PAIP1: variants seen among roughly 807,000 people sequenced by gnomAD.
PAIP1 encodes polyadenylate-binding protein-interacting protein 1.
In PAIP1, 16 loss-of-function variants were observed where a neutral mutation model predicts 61.3. The observed-to-expected ratio is 0.26, with a 90% CI of 0.18 to 0.40. The LOEUF (loss-of-function observed/expected upper bound fraction) is 0.40, where lower values mean the gene tolerates loss of function less well. Among genes scored for constraint, PAIP1 ranks in the 10% least tolerant of loss-of-function variants. The pLI, the probability that PAIP1 is intolerant of heterozygous loss-of-function variation, is 1.00. For synonymous variants in PAIP1, 187 were observed against 226.2 expected (o/e 0.83, Z 1.56); for missense variants, 416 against 600.9 (o/e 0.69, Z 3.22).
At chr5:43,550,837 C>CAAAAAAAAAAAAAAAAA (rs373730839) in intron 2 of PAIP1, among the ~76,000 whole-genome samples, 19 of 49,560 alleles carry the variant, frequency 3.8e-4, no homozygotes, top group Middle Eastern at 0.025. Flanking sequence ...AAATATACTA[C>CAAAAAAAAAAAAAAAAA]AAAAAAAAAA....
intron 2 of PAIP1, among the ~76,000 whole-genome samples, chr5:43,551,652 A>C (rs1747870862): frequency 1.3e-5 from 2 of 152,322 alleles, no homozygotes; most frequent in South Asian, 4.1e-4. Context: ...AGAAAGGCAA[A>C]GGTACGGGTC....
chr5:43,536,715 C>A, intron 6 of PAIP1, 104 bp downstream of exon 6: 1 of 527,478 alleles, frequency 1.9e-6, no homozygotes, highest in South Asian at 4.4e-5. Flanking sequence ...CAATATTTAC[C>A]TTAAAGTGAT....
intron 5 of PAIP1, among the ~76,000 whole-genome samples, chr5:43,538,570 C>A (rs1747250470): frequency 6.6e-6 from 1 of 152,090 alleles, no homozygotes; most frequent in African/African-American, 2.4e-5. Flanking sequence ...CTGCTTTGAG[C>A]CACCATCTGA....
At position 43,550,929 on chromosome 5, in the gene PAIP1, A is replaced by T. The variant is rs78613556; in HGVS notation, c.436-3016T>A. 3.8e-3 allele frequency among the ~76,000 whole-genome samples: 570 copies of T among 151,806 alleles called. 13 individuals carry two copies. In the East Asian group the frequency reaches 0.069, roughly 18 times the overall value. ...GAAAGAAAAAAAGATCCAGCCATACAAATATCTAAGGAAAGATATTCTCTT... is the reference window on the plus strand; with the variant it reads ...GAAAGAAAAAAAGATCCAGCCATACTAATATCTAAGGAAAGATATTCTCTT... On this transcript the variant is annotated intron_variant, in intron 2 of 10. Transcript: ENST00000306846.
chr5:43,532,188 G>A (rs1241851840), intron 9 of PAIP1, among the ~76,000 whole-genome samples: 1 of 151,948 alleles, frequency 6.6e-6, no homozygotes, highest in Admixed American at 6.6e-5. Flanking sequence ...AATTAAACAG[G>A]TTAGAAAAAA....
At position 43,556,717 on chromosome 5, in the gene PAIP1, G is replaced by A. The variant is rs1287709801; in HGVS notation, c.130C>T (p.Gln44Ter). ...GAGPAERARH[Q>*]PPQPKAPGFL... The stretch of plus-strand genomic sequence containing the variant: ...CCCGGGGCTTTGGGTTGCGGCGGCT[G>A]GTGCCGCGCCCGCTCAGCAGGCCCC... The change falls in exon 1 of 11, where the codon CAG (glutamine) becomes TAG (stop). Residue 44 changes from glutamine (Q) to a stop codon, truncating the protein, a stop_gained. Coordinates refer to ENST00000306846, the MANE Select transcript of PAIP1 (RefSeq NM_006451.5). LOFTEE classifies it high-confidence loss of function. The A allele has an allele frequency of 2.2e-5, 30 of 1,336,174 alleles. No individual in the cohort carries two copies. The highest frequency in any genetic ancestry group is 2.7e-5 in the Non-Finnish European group (28 of 1,047,962). 82.8% of individuals were successfully genotyped at this position (1,336,174 alleles called of 1,614,324 possible).
At chr5:43,546,682 T>G (rs570358437) in intron 3 of PAIP1, among the ~76,000 whole-genome samples, 1 of 152,246 alleles carries the variant, frequency 6.6e-6, no homozygotes, top group East Asian at 1.9e-4. Flanking sequence ...TTTTGACCAG[T>G]CTCACACTGA....
chr5:43,537,241 G>C (rs1357061096), intron 5 of PAIP1, among the ~76,000 whole-genome samples: 2 of 151,520 alleles, frequency 1.3e-5, no homozygotes, highest in African/African-American at 4.8e-5. Context: ...ACTTTTTTTT[G>C]AACACACAGC....
At position 43,556,220 on chromosome 5, in the gene PAIP1, G is replaced by A. The variant is rs1015833712; in HGVS notation, c.266-221C>T. On this transcript the variant is annotated intron_variant, in intron 1 of 10. Transcript: ENST00000306846. ...GGGCATACCTGCCTCTCAAATGAGT[G>A]CTTGCGAGCTTTTTTCCTCTCTGTC... The A allele has an allele frequency of 3.1e-6, 4 of 1,298,694 alleles. No individual in the cohort carries two copies. In the African/African-American group the frequency reaches 6.1e-5, roughly 20 times the overall value. 80.4% of individuals were successfully genotyped at this position (1,298,694 alleles called of 1,614,324 possible). A position where few individuals can be genotyped will look rare whatever the true frequency, so the allele number is the denominator to read the frequency against.
chr5:43,550,306 A>G (rs1400922286), intron 2 of PAIP1, among the ~76,000 whole-genome samples: 1 of 152,188 alleles, frequency 6.6e-6, no homozygotes, highest in East Asian at 1.9e-4. Context: ...TGAATTAATC[A>G]AATTCACCTA....
intron 5 of PAIP1, 51 bp downstream of exon 5, chr5:43,538,873 A>C (rs1367520979): frequency 1.1e-6 from 1 of 880,934 alleles, no homozygotes; most frequent in Admixed American, 1.8e-5. Context: ...CATTGAGATC[A>C]ACTTATGTTC....
intron 4 of PAIP1, among the ~76,000 whole-genome samples, chr5:43,542,145 C>T (rs977618134): frequency 3.3e-5 from 5 of 149,998 alleles, no homozygotes; most frequent in African/African-American, 7.4e-5. Context: ...CACTGCACTC[C>T]AGCCTGGGTG....
intron 2 of PAIP1, among the ~76,000 whole-genome samples, chr5:43,553,582 T>A (rs931452850): frequency 2.0e-5 from 3 of 152,198 alleles, no homozygotes; most frequent in African/African-American, 7.2e-5. Flanking sequence ...AAAGGAAATG[T>A]TTCCTTTGCA....
intron 9 of PAIP1, 74 bp from the exon 10 acceptor site, chr5:43,529,953 T>C (rs1310404098): frequency 2.7e-6 from 2 of 753,052 alleles, no homozygotes; most frequent in South Asian, 1.5e-5. Flanking sequence ...CCCTAAATGT[T>C]TTTTAATATT....
At chr5:43,530,009 A>C in intron 9 of PAIP1, 130 bp from the exon 10 acceptor site, 1 of 616,112 alleles carries the variant, frequency 1.6e-6, no homozygotes, top group South Asian at 2.0e-5. Context: ...AAGTAATTAC[A>C]TATAGTACTA....
chr5:43,556,356 C>G, intron 1 of PAIP1: 13 of 1,234,276 alleles, frequency 1.1e-5, no homozygotes, highest in Non-Finnish European at 1.2e-5. Flanking sequence ...ACTCCGAGAC[C>G]GCGCACCCGG....
At chr5:43,540,866 G>C (rs1490521837) in intron 4 of PAIP1, among the ~76,000 whole-genome samples, 1 of 152,024 alleles carries the variant, frequency 6.6e-6, no homozygotes, top group Non-Finnish European at 1.5e-5. Context: ...AATTACACCA[G>C]AATTTCAAAG....
intron 9 of PAIP1, 84 bp downstream of exon 9, chr5:43,533,654 T>C: frequency 1.2e-6 from 1 of 840,262 alleles, no homozygotes; most frequent in Non-Finnish European, 2.1e-6. Context: ...AGTTACAATC[T>C]TGTGCTGGTG....
chr5:43,556,209 C>T, intron 1 of PAIP1: 1 of 1,319,316 alleles, frequency 7.6e-7, no homozygotes, highest in Non-Finnish European at 9.6e-7. Flanking sequence ...ATACCTGCCT[C>T]TCAAATGAGT....
Sources: gnomAD v4.1 joint callset for allele counts (sites outside exome capture counted in the v4.1 genomes callset) on GRCh38, gnomAD v4.1.1 for gene constraint, MANE v1.5 for transcripts, NCBI Gene and HGNC (gene_info 2026-07-23, HGNC 2026-07-21) for gene names.